ZNF875: variants seen among roughly 807,000 people sequenced by gnomAD.
ZNF875 encodes the protein HKR1, GLI-Kruppel zinc finger family member.
ZNF875 carries 14 observed loss-of-function variants against 11.2 expected under a neutral mutation model. The ratio of observed to expected loss-of-function variants is 1.26; its 90% confidence interval spans 0.83 to 1.96. The LOEUF (loss-of-function observed/expected upper bound fraction) is 1.96. Among genes scored for constraint, ZNF875 ranks in the 30% most tolerant of loss-of-function variants. ZNF875 has a pLI of 0.00. For synonymous variants in ZNF875, 301 were observed against 281.1 expected (o/e 1.07, Z -0.71); for missense variants, 752 against 760.4 (o/e 0.99, Z 0.13).
chr19:37,313,426 C>A (rs1367557473), upstream of ZNF875: 1 of 152,274 alleles, frequency 6.6e-6, no homozygotes, highest in African/African-American at 2.4e-5. Context: ...GGATGTGTCA[C>A]CCTGAGAGAT....
chr19:37,334,107 C>T (rs560240346), upstream of ZNF875, among the ~76,000 whole-genome samples: 3 of 152,274 alleles, frequency 2.0e-5, no homozygotes, highest in South Asian at 4.1e-4. Flanking sequence ...ATCTGCATTC[C>T]GGGAGTTTGC....
intron 4 of ZNF875, chr19:37,358,008 G>T: frequency 2.5e-6 from 1 of 398,094 alleles, no homozygotes; most frequent in African/African-American, 2.1e-5. Flanking sequence ...GTTGGCTGTA[G>T]GTCTGTCACA....
chr19:37,349,808 C>T (rs939479717), intron 4 of ZNF875, among the ~76,000 whole-genome samples: 4 of 151,936 alleles, frequency 2.6e-5, no homozygotes, highest in African/African-American at 9.7e-5. Context: ...GCGTGTGCCA[C>T]CATGCCTGGC....
intron 3 of ZNF875, 90 bp downstream of exon 3, chr19:37,347,406 C>A: frequency 7.9e-7 from 1 of 1,258,994 alleles, no homozygotes; most frequent in Non-Finnish European, 1.1e-6. Flanking sequence ...AGCACCTTTC[C>A]CTTAGAGTTG....
intron 1 of ZNF875, among the ~76,000 whole-genome samples, chr19:37,320,286 A>G (rs1336308722): frequency 1.3e-5 from 2 of 152,194 alleles, no homozygotes; most frequent in African/African-American, 4.8e-5. Flanking sequence ...GTTTCCTTCC[A>G]TCTTGAATAC....
rs959674030 is a variant in ZNF875 at position 37,334,677 on chromosome 19, A to G, written c.-162A>G. On this transcript the variant is annotated 5_prime_UTR_variant, in exon 1 of 5. Transcript: ENST00000392153. ...TCCGGTCGGTGGCCCAGGCGCGTTA[A>G]GCTGGTTGGGACCCGGGAAGGCCTC... 3.9e-5 allele frequency: 18 copies of G among 455,936 alleles called. No homozygotes were observed. Among genetic ancestry groups the G allele is most frequent in the Admixed American group, 1.6e-4 (7 of 42,552 alleles). 28.2% of individuals were successfully genotyped at this position (455,936 alleles called of 1,614,324 possible).
chr19:37,323,766 G>A (rs1168483960), intron 3 of ZNF875, among the ~76,000 whole-genome samples: 1 of 152,176 alleles, frequency 6.6e-6, no homozygotes, highest in East Asian at 1.9e-4. Context: ...ACTGGCATGT[G>A]GGTTACCTTC....
upstream of ZNF875, chr19:37,317,904 A>G (rs1322331614): frequency 6.5e-6 from 1 of 153,688 alleles, no homozygotes; most frequent in East Asian, 1.9e-4. Flanking sequence ...GAAGCCCGGC[A>G]CAGGCTGGGT....
chr19:37,320,669 C>G (rs1281096631), intron 1 of ZNF875, among the ~76,000 whole-genome samples: 2 of 152,190 alleles, frequency 1.3e-5, no homozygotes, highest in East Asian at 1.9e-4. Flanking sequence ...CTGGAACCAT[C>G]TGGAGGCTTG....
At chr19:37,347,421 T>C in intron 3 of ZNF875, 105 bp downstream of exon 3, 2 of 1,117,436 alleles carry the variant, frequency 1.8e-6, no homozygotes, top group Non-Finnish European at 2.6e-6. Context: ...GAGTTGAGCT[T>C]GAAAACAATT....
Position 37,347,821 on chromosome 19 carries a change from G to A in ZNF875, c.205G>A (p.Gly69Arg), listed in dbSNP as rs753992404. 7 of 1,613,560 alleles carry A rather than the reference G, an allele frequency of 4.3e-6. No homozygotes were observed. The highest frequency in any genetic ancestry group is 1.3e-5 in the African/African-American group (1 of 74,880). Residue 69 changes from glycine to arginine, a missense_variant, in exon 4 of 5, where the codon GGG becomes AGG. Coordinates refer to ENST00000392153, the MANE Select transcript of ZNF875 (RefSeq NM_001353803.2). ...KPKLIAQLER[G>R]EAPWREERKC... is the part of the protein sequence containing the mutation. ...AAAACTCATTGCTCAGCTGGAGCGAGGGGAAGCGCCCTGGAGAGAGGAGAG... is the reference window on the plus strand; with the variant it reads ...AAAACTCATTGCTCAGCTGGAGCGAAGGGAAGCGCCCTGGAGAGAGGAGAG...
At chr19:37,324,438 TTAC>T (rs751708238) in intron 4 of ZNF875, among the ~76,000 whole-genome samples, 3 of 152,314 alleles carry the variant, frequency 2.0e-5, no homozygotes, top group Admixed American at 6.5e-5. Flanking sequence ...TTTTTTAAAA[TTAC>T]TGCCAGGTTT....
upstream of ZNF875, among the ~76,000 whole-genome samples, chr19:37,314,137 T>C (rs1042422080): frequency 6.6e-6 from 1 of 152,194 alleles, no homozygotes; most frequent in African/African-American, 2.4e-5. Context: ...TTTTTAGACA[T>C]GGTCTCCCTC....
At chr19:37,344,374 C>CT (rs758732556) in intron 2 of ZNF875, among the ~76,000 whole-genome samples, 21 of 152,126 alleles carry the variant, frequency 1.4e-4, no homozygotes, top group African/African-American at 5.1e-4. Context: ...ATTTTTATTT[C>CT]TAACAAGTTC....
chr19:37,322,822 T>G (rs757547452), intron 2 of ZNF875, among the ~76,000 whole-genome samples: 2 of 152,188 alleles, frequency 1.3e-5, no homozygotes, highest in African/African-American at 2.4e-5. Flanking sequence ...TTCCTCTGCT[T>G]TCTGCCATTT....
intron 2 of ZNF875, among the ~76,000 whole-genome samples, chr19:37,336,785 G>T (rs935389628): frequency 6.6e-6 from 1 of 151,706 alleles, no homozygotes; most frequent in Non-Finnish European, 1.5e-5. Flanking sequence ...GCAAGCGCCT[G>T]TAGTCCCAGC....
intron 4 of ZNF875, chr19:37,324,905 GT>G: frequency 6.6e-6 from 1 of 152,510 alleles, no homozygotes; most frequent in Non-Finnish European, 1.5e-5. Flanking sequence ...CCCTGGAGTA[GT>G]TGGGACTACA....
At chr19:37,329,774 AGT>A (rs1421924197), upstream of ZNF875, among the ~76,000 whole-genome samples, 1 of 152,142 alleles carries the variant, frequency 6.6e-6, no homozygotes, top group Admixed American at 6.5e-5. Context: ...AGTGGACTAC[AGT>A]GTGGTACCTG....
intron 2 of ZNF875, among the ~76,000 whole-genome samples, chr19:37,336,943 A>T (rs1425450965): frequency 6.6e-6 from 1 of 152,106 alleles, no homozygotes; most frequent in Non-Finnish European, 1.5e-5. Context: ...ATATGTTAAG[A>T]TACAGACTAT....
Sources: allele counts gnomAD v4.1 joint callset (sites outside exome capture counted in the v4.1 genomes callset), GRCh38; gene constraint gnomAD v4.1.1; transcripts MANE v1.5; gene names NCBI Gene and HGNC (gene_info 2026-07-23, HGNC 2026-07-21).